The following PRMT8 variants were observed in gnomAD, a reference collection of about 807,000 sequenced individuals.
PRMT8 encodes protein arginine N-methyltransferase 8.
PRMT8 carries 7 observed loss-of-function variants against 47.1 expected under a neutral mutation model. That is an observed-to-expected ratio of 0.15 (90% CI 0.08 to 0.28). The LOEUF (loss-of-function observed/expected upper bound fraction) is 0.28. PRMT8 is among the 10% of genes least tolerant of loss of function. The pLI is 1.00. For missense variants in PRMT8, 237 were observed against 505.4 expected (o/e 0.47, Z 5.09); for synonymous variants, 188 against 186.5 (o/e 1.01, Z -0.07).
At chr12:3,431,826 GA>G (rs1864682043) in intron 1 of PRMT8, among the ~76,000 whole-genome samples, 1 of 152,194 alleles carries the variant, frequency 6.6e-6, no homozygotes, top group Admixed American at 6.5e-5. Context: ...TGTCTTGAAA[GA>G]GAAGGTGAGA....
chr12:3,556,368 A>T (rs779668606), intron 4 of PRMT8, among the ~76,000 whole-genome samples: 3 of 152,064 alleles, frequency 2.0e-5, no homozygotes, highest in Non-Finnish European at 4.4e-5. Flanking sequence ...GAGGTAGAGA[A>T]GATGCAGTCG....
chr12:3,437,551 G>A (rs938526489), intron 1 of PRMT8, among the ~76,000 whole-genome samples: 1 of 151,264 alleles, frequency 6.6e-6, no homozygotes, highest in Admixed American at 6.6e-5. Flanking sequence ...CTCAGTGTCT[G>A]TTCCCTTCTT....
Position 3,564,168 on chromosome 12 carries a change from C to T in PRMT8, c.482-4538C>T, listed in dbSNP as rs536046367. The stretch of plus-strand genomic sequence containing the variant: ...GCAAGGACCAAGGGAGTGGGGAGGG[C>T]GAGCGAAGGGCTTTGCTGCAGTGGG... On this transcript the variant is annotated intron_variant, in intron 4 of 9. Transcript: ENST00000382622. This position sits in a 1 kb window ranked among gnomAD's most constrained non-coding sequence, Gnocchi z 4.0. Among the ~76,000 whole-genome samples the T allele has an allele frequency of 1.3e-5, 2 of 152,136 alleles. No homozygotes were observed. Among genetic ancestry groups the T allele is most frequent in the African/African-American group, 2.4e-5 (1 of 41,492 alleles).
intron 1 of PRMT8, among the ~76,000 whole-genome samples, chr12:3,505,379 G>A (rs1865605867): frequency 6.6e-6 from 1 of 152,222 alleles, no homozygotes; most frequent in South Asian, 2.1e-4. Flanking sequence ...CCTCAGAATA[G>A]TTGCAAGTCC....
intron 1 of PRMT8, among the ~76,000 whole-genome samples, chr12:3,432,535 C>T (rs1161985955): frequency 6.6e-6 from 1 of 152,100 alleles, no homozygotes; most frequent in Non-Finnish European, 1.5e-5. Context: ...CTGAGACTCC[C>T]GAGAGGGAAA....
chr12:3,496,214 A>ATATTTTTTTTTTTTTTTTTTTTT, intron 1 of PRMT8, among the ~76,000 whole-genome samples: 1 of 27,756 alleles, frequency 3.6e-5, no homozygotes, highest in Non-Finnish European at 7.9e-5. Context: ...ATATATATAT[A>ATATTTTTTTTTTTTTTTTTTTTT]TTTTTTTTTT....
In PRMT8 at chr12:3,409,679, TG is replaced by T. The variant is rs1327605773; in HGVS notation, c.48+28240del. 6.6e-6 allele frequency among the ~76,000 whole-genome samples: 1 copy of T among 152,108 alleles called. No homozygotes were observed. The highest frequency in any genetic ancestry group is 1.5e-5 in the Non-Finnish European group (1 of 68,008). On this transcript the variant is annotated intron_variant, in intron 1 of 9. Coordinates refer to the PRMT8 transcript ENST00000452611. The surrounding 1 kb of genome is among the most constrained non-coding windows in gnomAD (Gnocchi z 4.4). The stretch of plus-strand genomic sequence containing the variant: ...GTCAATGCTCTGTTTTCCTGGGATG[TG>T]GGATGCCACATCAGCTCAGCCCTGG...
chr12:3,559,301 A>G (rs535726044), intron 4 of PRMT8, among the ~76,000 whole-genome samples: 22 of 152,116 alleles, frequency 1.4e-4, no homozygotes, highest in Middle Eastern at 3.4e-3. Flanking sequence ...TTGTGCCTCC[A>G]TGCCTCTGTT....
chr12:3,520,551 A>G (rs2137140624), intron 1 of PRMT8, among the ~76,000 whole-genome samples: 1 of 152,386 alleles, frequency 6.6e-6, no homozygotes, highest in South Asian at 2.1e-4. Context: ...ATCATAAAAT[A>G]TCAAACTAAA....
chr12:3,464,455 C>G (rs930944198), intron 1 of PRMT8, among the ~76,000 whole-genome samples: 2 of 152,118 alleles, frequency 1.3e-5, no homozygotes, highest in African/African-American at 2.4e-5. Flanking sequence ...AATATCAAGA[C>G]ATTACTCGTT....
At position 3,593,318 on chromosome 12, in the gene PRMT8, A is replaced by G. The variant is rs2137242216; in HGVS notation, c.*136A>G. 1 of 725,326 alleles carries G rather than the reference A, an allele frequency of 1.4e-6. No individual in the cohort carries two copies. Among genetic ancestry groups the G allele is most frequent in the East Asian group, 2.8e-5 (1 of 36,016 alleles). The allele number at this position is 725,326 out of a possible 1,614,324, so 44.9% of individuals were successfully genotyped here. On this transcript the variant is annotated 3_prime_UTR_variant, in exon 10 of 10. Transcript: ENST00000382622. The surrounding 1 kb of genome is among the most constrained non-coding windows in gnomAD (Gnocchi z 4.8). The stretch of plus-strand genomic sequence containing the variant: ...TCAACTCTGCCTTGAAGATTGGTGA[A>G]CTCCCCAGGGCTCCCGTGGGCTCTG...
At chr12:3,574,226 C>G (rs1318018379) in intron 6 of PRMT8, 1 of 152,214 alleles carries the variant, frequency 6.6e-6, no homozygotes, top group African/African-American at 2.4e-5. Flanking sequence ...GTTATATGGT[C>G]AGGAGCGTTT....
intron 8 of PRMT8, among the ~76,000 whole-genome samples, chr12:3,587,687 C>T (rs1302349014): frequency 6.6e-6 from 1 of 152,184 alleles, no homozygotes; most frequent in Non-Finnish European, 1.5e-5. Context: ...TGTGCCTAAA[C>T]AAGGTATTGT....
At chr12:3,560,508 C>T (rs1866618305) in intron 4 of PRMT8, among the ~76,000 whole-genome samples, 1 of 152,182 alleles carries the variant, frequency 6.6e-6, no homozygotes, top group Non-Finnish European at 1.5e-5. Context: ...CTATTATTTC[C>T]TCCCCATCTG....
intron 1 of PRMT8, among the ~76,000 whole-genome samples, chr12:3,398,647 A>G (rs937103875): frequency 6.6e-6 from 1 of 152,170 alleles, no homozygotes; most frequent in African/African-American, 2.4e-5. Flanking sequence ...GCCCTTATGT[A>G]AAATCAATCA....
intron 1 of PRMT8, among the ~76,000 whole-genome samples, chr12:3,536,988 T>C (rs1866128986): frequency 6.6e-6 from 1 of 152,256 alleles, no homozygotes; most frequent in African/African-American, 2.4e-5. Flanking sequence ...GCTACATCAT[T>C]ATGATGATCC....
At chr12:3,498,340 A>G (rs1865539380) in intron 1 of PRMT8, among the ~76,000 whole-genome samples, 2 of 152,208 alleles carry the variant, frequency 1.3e-5, no homozygotes, top group African/African-American at 4.8e-5. Context: ...CAGAGTACAA[A>G]CTTAAAATGT....
chr12:3,400,467 C>T (rs1320135415), intron 1 of PRMT8, among the ~76,000 whole-genome samples: 2 of 152,156 alleles, frequency 1.3e-5, no homozygotes, highest in African/African-American at 2.4e-5. Flanking sequence ...AGGAAGAGAT[C>T]GAGTCCTTGA....
intron 1 of PRMT8, among the ~76,000 whole-genome samples, chr12:3,496,015 C>T (rs1865498702): frequency 6.6e-6 from 1 of 151,684 alleles, no homozygotes; most frequent in South Asian, 2.1e-4. Flanking sequence ...TCACAATGCC[C>T]AATTATGAAC....
Sources: allele counts gnomAD v4.1 joint callset (sites outside exome capture counted in the v4.1 genomes callset), GRCh38; gene constraint gnomAD v4.1.1; non-coding constraint Gnocchi (gnomAD v3.1); transcripts MANE v1.5; gene names NCBI Gene and HGNC (gene_info 2026-07-23, HGNC 2026-07-21).